Variants in SEPTIN14 observed in about 807,000 individuals in gnomAD.
The protein encoded by SEPTIN14 is septin 14, also known as septin-14.
A neutral mutation model predicts 53.6 loss-of-function variants in SEPTIN14; 40 were observed. That is an observed-to-expected ratio of 0.75 (90% CI 0.58 to 0.97). SEPTIN14 has a LOEUF of 0.97. Ranked by LOEUF, SEPTIN14 falls within the 50% of genes least tolerant of loss-of-function variation. SEPTIN14 has a pLI of 0.00. For missense variants in SEPTIN14, 471 were observed against 508.2 expected (o/e 0.93, Z 0.70); for synonymous variants, 138 against 166.8 (o/e 0.83, Z 1.33).
rs557216342 is a variant in SEPTIN14, at chr7:55,811,764, A to G, written c.818-4506T>C. On this transcript the variant is annotated intron_variant, in intron 7 of 9. Coordinates refer to ENST00000388975, the MANE Select transcript of SEPTIN14 (RefSeq NM_207366.3). ...TCTGCCCACCTCAGCCTCCTAAAGC[A>G]CTGGGATTACAGGTGTGAGCCACCG... Among the ~76,000 whole-genome samples the G allele has an allele frequency of 2.8e-3, 413 of 150,024 alleles. 4 individuals are homozygous for G. The highest frequency in any genetic ancestry group is 0.011 in the Middle Eastern group (3 of 280).
chr7:55,843,754 C>T lies in SEPTIN14; in HGVS notation c.372-626G>A, dbSNP rs375261765. On this transcript the variant is annotated intron_variant, in intron 4 of 9. Transcript: ENST00000388975. ...GGCTGAGGTAGGAGAATAGCATGAA[C>T]CCAGGAGACAAAGCTTACAGTGAGC... is the stretch of plus-strand genomic sequence containing the variant. Among the ~76,000 whole-genome samples, 9 of 152,280 alleles carry T rather than the reference C, an allele frequency of 5.9e-5. No homozygotes were observed. The East Asian group carries it at 1.4e-3, about 23-fold the overall frequency.
chr7:55,806,629 CT>C (rs1469658589), intron 8 of SEPTIN14, among the ~76,000 whole-genome samples: 1 of 150,748 alleles, frequency 6.6e-6, no homozygotes, highest in African/African-American at 2.4e-5. Context: ...TGCCCGGCTA[CT>C]TTTTGTATTT....
At chr7:55,849,131 C>T (rs969753533) in intron 2 of SEPTIN14, among the ~76,000 whole-genome samples, 1 of 151,712 alleles carries the variant, frequency 6.6e-6, no homozygotes, top group African/African-American at 2.4e-5. Context: ...TCGAGACCAG[C>T]CTGGCCAACA....
intron 4 of SEPTIN14, among the ~76,000 whole-genome samples, chr7:55,844,200 C>G (rs1395579558): frequency 6.6e-6 from 1 of 152,000 alleles, no homozygotes; most frequent in Non-Finnish European, 1.5e-5. Context: ...AATGGGAACC[C>G]TTAGACACTG....
chr7:55,853,060 A>G (rs535963611), intron 2 of SEPTIN14, among the ~76,000 whole-genome samples: 1 of 152,304 alleles, frequency 6.6e-6, no homozygotes, highest in East Asian at 1.9e-4. Flanking sequence ...GAAAATGTGG[A>G]AAAAAAGAGA....
rs1788401291 is a variant in SEPTIN14, at chr7:55,794,794, G to T, written c.*1119C>A. On this transcript the variant is annotated 3_prime_UTR_variant, in exon 10 of 10. Transcript: ENST00000388975. ...GCTTTCCGAGTAGCAGGGACTACAG[G>T]TGCACAACACCACACCCGGCTAACT... 1 of 152,072 alleles carries T rather than the reference G, an allele frequency of 6.6e-6. No homozygotes were observed. The highest frequency in any genetic ancestry group is 2.4e-5 in the African/African-American group (1 of 41,394). 9.4% of individuals were successfully genotyped at this position (152,072 alleles called of 1,614,324 possible). A position where few individuals can be genotyped will look rare whatever the true frequency, so the allele number is the denominator to read the frequency against.
At chr7:55,843,220 G>A in intron 4 of SEPTIN14, 92 bp from the exon 5 acceptor site, 1 of 688,722 alleles carries the variant, frequency 1.5e-6, no homozygotes, top group Non-Finnish European at 2.3e-6. Context: ...ATGTATGTAA[G>A]CAGTTTGCTA....
chr7:55,815,595 G>A (rs957163122), intron 7 of SEPTIN14, among the ~76,000 whole-genome samples: 25 of 131,270 alleles, frequency 1.9e-4, no homozygotes, highest in African/African-American at 8.9e-4. Flanking sequence ...CAAATGAAAA[G>A]GTGCTCAATA....
chr7:55,806,200 C>G (rs1047669210), intron 8 of SEPTIN14, among the ~76,000 whole-genome samples: 3 of 151,980 alleles, frequency 2.0e-5, no homozygotes, highest in African/African-American at 7.2e-5. Context: ...GGAGCTTTAC[C>G]ATGTTGGCCA....
intron 6 of SEPTIN14, among the ~76,000 whole-genome samples, chr7:55,829,916 C>A (rs1017807336): frequency 6.6e-6 from 1 of 151,068 alleles, no homozygotes; most frequent in Non-Finnish European, 1.5e-5. Flanking sequence ...CGGTGGCTCA[C>A]GCCTGTAATC....
chr7:55,810,933 G>A, intron 7 of SEPTIN14: 1 of 387,244 alleles, frequency 2.6e-6, no homozygotes, highest in East Asian at 6.2e-5. Context: ...AGCACAGCTT[G>A]ACCTTTCCCT....
chr7:55,834,726 T>C (rs1789173710), intron 5 of SEPTIN14, 140 bp from the exon 6 acceptor site: 1 of 578,366 alleles, frequency 1.7e-6, no homozygotes, highest in Non-Finnish European at 2.9e-6. Context: ...CACTGCAAGC[T>C]CCGCCTCCTG....
intron 7 of SEPTIN14, among the ~76,000 whole-genome samples, chr7:55,810,529 C>A (rs1177993071): frequency 7.4e-6 from 1 of 134,856 alleles, no homozygotes; most frequent in Non-Finnish European, 1.5e-5. Context: ...GGCTGGAGTT[C>A]AATGGCACGA....
At chr7:55,847,952 C>G (rs985920343) in intron 2 of SEPTIN14, among the ~76,000 whole-genome samples, 1 of 152,076 alleles carries the variant, frequency 6.6e-6, no homozygotes, top group African/African-American at 2.4e-5. Flanking sequence ...CAACTATAAA[C>G]ACATTAAATA....
At chr7:55,838,820 A>G (rs1789255203) in intron 5 of SEPTIN14, among the ~76,000 whole-genome samples, 1 of 152,062 alleles carries the variant, frequency 6.6e-6, no homozygotes, top group African/African-American at 2.4e-5. Flanking sequence ...AAGTGCTGAG[A>G]TTACAGGCTT....
chr7:55,856,216 T>C (rs373501688), intron 2 of SEPTIN14, among the ~76,000 whole-genome samples: 1 of 152,052 alleles, frequency 6.6e-6, no homozygotes, highest in African/African-American at 2.4e-5. Context: ...CTCATACTCA[T>C]ATGTCTATGA....
At chr7:55,842,892 A>G in intron 5 of SEPTIN14, 50 bp downstream of exon 5, 2 of 1,236,766 alleles carry the variant, frequency 1.6e-6, no homozygotes, top group East Asian at 2.7e-5. Context: ...TGGGCGACAG[A>G]GGGAGACTCC....
Position 55,794,370 on chromosome 7 carries a change from T to G in SEPTIN14, c.*1543A>C, listed in dbSNP as rs1020207681. 1.6e-4 allele frequency: 25 copies of G among 152,344 alleles called. No homozygotes were observed. The highest frequency in any genetic ancestry group is 6.0e-4 in the African/African-American group (25 of 41,588). 9.4% of individuals were successfully genotyped at this position (152,344 alleles called of 1,614,324 possible). On this transcript the variant is annotated 3_prime_UTR_variant, in exon 10 of 10. Transcript: ENST00000388975. ...AACATGTTCAGAAGCAGTAAGAAGT[T>G]ACATTAATTATCTTTTGAAAGTCAA... is the stretch of plus-strand genomic sequence containing the variant.
In SEPTIN14 at chr7:55,819,163, C is replaced by G. The variant is rs758070422; in HGVS notation, c.781G>C (p.Val261Leu). The change falls in exon 7 of 10, where the codon GTC (valine) becomes CTC (leucine). Residue 261 changes from valine (V) to leucine (L), a missense_variant. Coordinates refer to ENST00000388975, the MANE Select transcript of SEPTIN14 (RefSeq NM_207366.3). ...TDEVKVGKRMVRGRHYPWGVL... is the reference protein window; with the variant it reads ...TDEVKVGKRMLRGRHYPWGVL... ...CCCCAAGGGTAGTGACGGCCTCTGA[C>G]CATCCTTTTTCCAACTTTCACTTCA... The G allele has an allele frequency of 6.3e-7, 1 of 1,587,132 alleles. No individual in the cohort carries two copies. Among genetic ancestry groups the G allele is most frequent in the South Asian group, 1.2e-5 (1 of 86,660 alleles).
Sources: gnomAD v4.1 joint callset for allele counts (sites outside exome capture counted in the v4.1 genomes callset) on GRCh38, gnomAD v4.1.1 for gene constraint, MANE v1.5 for transcripts, NCBI Gene and HGNC (gene_info 2026-07-23, HGNC 2026-07-21) for gene names.